Variants in ACSS3 observed in about 807,000 individuals in gnomAD.
The protein encoded by ACSS3 is acyl-CoA synthetase short-chain family member 3, mitochondrial.
A neutral mutation model predicts 84.2 loss-of-function variants in ACSS3; 64 were observed. The ratio of observed to expected loss-of-function variants is 0.76; its 90% CI spans 0.62 to 0.94. The LOEUF (loss-of-function observed/expected upper bound fraction) is 0.94, where lower values mean the gene tolerates loss of function less well. Among genes scored for constraint, ACSS3 ranks in the 40% least tolerant of loss-of-function variants. The pLI, the probability that ACSS3 is intolerant of heterozygous loss-of-function variation, is 0.00. For synonymous variants in ACSS3, 317 were observed against 310.1 expected (o/e 1.02, Z -0.23); for missense variants, 815 against 867.6 (o/e 0.94, Z 0.76).
At chr12:81,173,522 AAAT>A (rs2030234834) in intron 7 of ACSS3, among the ~76,000 whole-genome samples, 1 of 151,796 alleles carries the variant, frequency 6.6e-6, no homozygotes, top group African/African-American at 2.4e-5. Context: ...AATAATAAAA[AAAT>A]AGTGTCCTAT....
intron 7 of ACSS3, among the ~76,000 whole-genome samples, chr12:81,170,144 C>A (rs1195557369): frequency 2.6e-5 from 4 of 151,878 alleles, no homozygotes; most frequent in Non-Finnish European, 4.4e-5. Flanking sequence ...TTTTTTTGCC[C>A]AAAGATTTAA....
Position 81,256,437 on chromosome 12 carries a change from G to A in ACSS3, c.*1515G>A, listed in dbSNP as rs1404245076. 4 of 151,978 alleles carry A rather than the reference G, an allele frequency of 2.6e-5. No homozygotes were observed. The highest frequency in any genetic ancestry group is 9.7e-5 in the African/African-American group (4 of 41,388). The allele number at this position is 151,978 out of a possible 1,614,324, so 9.4% of individuals were successfully genotyped here. A position where few individuals can be genotyped will look rare whatever the true frequency, so the allele number is the denominator to read the frequency against. Reference sequence around the variant, plus strand: ...CAGTTAACTAAGGTAGACAGATGTAGGAAATTAAATATTTGATTTACTTAG... The same window carrying A: ...CAGTTAACTAAGGTAGACAGATGTAAGAAATTAAATATTTGATTTACTTAG... On this transcript the variant is annotated 3_prime_UTR_variant, in exon 16 of 16. Transcript: ENST00000548058.
rs989670047 is a variant in ACSS3 at position 81,117,574 on chromosome 12, A to C, written c.456+7870A>C. On this transcript the variant is annotated intron_variant, in intron 2 of 15. Transcript: ENST00000548058. ...GAAAAGCCATGAGGACTCAGAGCTC[A>C]TGAGAAGAGAATGGTAGAAAGTGAG... is the stretch of plus-strand genomic sequence containing the variant. 6.6e-5 allele frequency among the ~76,000 whole-genome samples: 10 copies of C among 152,198 alleles called. No individual in the cohort carries two copies. In the South Asian group the frequency reaches 8.3e-4, roughly 13 times the overall value.
intron 9 of ACSS3, among the ~76,000 whole-genome samples, chr12:81,204,077 G>T (rs1274187984): frequency 6.6e-6 from 1 of 151,878 alleles, no homozygotes; most frequent in Non-Finnish European, 1.5e-5. Flanking sequence ...CAGACAGGAA[G>T]CACAATTTTA....
intron 8 of ACSS3, among the ~76,000 whole-genome samples, chr12:81,187,837 G>T (rs988215096): frequency 2.0e-5 from 3 of 151,862 alleles, no homozygotes; most frequent in African/African-American, 7.2e-5. Context: ...GAGGCTGATA[G>T]CAGAGAAATG....
At chr12:81,185,090 G>A (rs189771076) in intron 8 of ACSS3, among the ~76,000 whole-genome samples, 1 of 151,824 alleles carries the variant, frequency 6.6e-6, no homozygotes. Flanking sequence ...AAATCTATCA[G>A]TGTGATACAT....
intron 2 of ACSS3, among the ~76,000 whole-genome samples, chr12:81,118,708 G>A (rs1332724339): frequency 1.3e-5 from 2 of 152,114 alleles, no homozygotes; most frequent in African/African-American, 2.4e-5. Context: ...AGTCTCATAG[G>A]TGGCATGCTA....
chr12:81,142,993 A>G, intron 4 of ACSS3, 114 bp from the exon 5 acceptor site: 1 of 979,236 alleles, frequency 1.0e-6, no homozygotes, highest in Non-Finnish European at 1.4e-6. Flanking sequence ...GTTCAGTGCC[A>G]TATAGGCCTA....
At chr12:81,118,080 G>C (rs1593075084) in intron 2 of ACSS3, 1 of 152,080 alleles carries the variant, frequency 6.6e-6, no homozygotes, top group Non-Finnish European at 1.5e-5. Flanking sequence ...TCTGTTGTAA[G>C]TATTTTAGTT....
At chr12:81,150,517 C>G (rs932642708) in intron 5 of ACSS3, among the ~76,000 whole-genome samples, 1 of 152,126 alleles carries the variant, frequency 6.6e-6, no homozygotes, top group Non-Finnish European at 1.5e-5. Context: ...GGAAGGTGCA[C>G]GTGTAAAGCC....
At position 81,151,831 on chromosome 12, in the gene ACSS3, T is replaced by G; in HGVS notation, c.922-13T>G. On this transcript the variant is annotated splice_polypyrimidine_tract_variant and intron_variant, in intron 5 of 15. Coordinates refer to ENST00000548058, the MANE Select transcript of ACSS3 (RefSeq NM_024560.4). ...TTGTTTATTGATTTTAATTTCACTT[T>G]TTCTCTCCTTAGGGTGTGATTAGGC... 6.2e-7 allele frequency: 1 copy of G among 1,607,178 alleles called. No individual in the cohort carries two copies.
At chr12:81,219,479 T>A (rs1386018801) in intron 10 of ACSS3, among the ~76,000 whole-genome samples, 2 of 152,132 alleles carry the variant, frequency 1.3e-5, no homozygotes, top group South Asian at 2.1e-4. Context: ...AGCTTTAATC[T>A]CCTAAACTCT....
At chr12:81,194,935 G>A (rs1221506744) in intron 8 of ACSS3, among the ~76,000 whole-genome samples, 1 of 151,828 alleles carries the variant, frequency 6.6e-6, no homozygotes, top group African/African-American at 2.4e-5. Flanking sequence ...CTAAAAATCT[G>A]TATTTTAGTT....
In ACSS3 at chr12:81,078,261, G is replaced by C. The variant is rs1009140169; in HGVS notation, c.141G>C (p.Gly47=). ...LVVPGPRGGL[G]GRGCRALSSG... is the part of the protein sequence containing the mutation. Reference sequence around the variant, plus strand: ...TCCCGGGCCCGCGGGGCGGTCTCGGGGGCCGGGGATGCAGGGCACTGTCCT... The same window carrying C: ...TCCCGGGCCCGCGGGGCGGTCTCGGCGGCCGGGGATGCAGGGCACTGTCCT... Residue 47 remains glycine, a synonymous_variant, in exon 1 of 16, where the codon GGG becomes GGC. Coordinates refer to ENST00000548058, the MANE Select transcript of ACSS3 (RefSeq NM_024560.4). The C allele has an allele frequency of 4.3e-6, 7 of 1,609,634 alleles. No homozygotes were observed. The highest frequency in any genetic ancestry group is 5.9e-6 in the Non-Finnish European group (7 of 1,179,554).
chr12:81,106,620 A>C (rs574036445), intron 1 of ACSS3, among the ~76,000 whole-genome samples: 58 of 152,268 alleles, frequency 3.8e-4, no homozygotes, highest in African/African-American at 1.4e-3. Flanking sequence ...AGAGGTATAT[A>C]GTTTTTATCT....
rs138277350 is a variant in ACSS3, at chr12:81,141,920, G to A, written c.781-1187G>A. Among the ~76,000 whole-genome samples, 355 of 152,242 alleles carry A rather than the reference G, an allele frequency of 2.3e-3. 1 individual carries two copies. Among genetic ancestry groups the A allele is most frequent in the South Asian group, 7.1e-3 (34 of 4,820 alleles). On this transcript the variant is annotated intron_variant, in intron 4 of 15. Coordinates refer to ENST00000548058, the MANE Select transcript of ACSS3 (RefSeq NM_024560.4). ...AACTTCAACTTGATACAGGGTCTTC[G>A]ATTCAGCTATAAATGTGTTAGCTAT... is the stretch of plus-strand genomic sequence containing the variant.
chr12:81,249,000 A>T (rs1226848793), intron 13 of ACSS3, among the ~76,000 whole-genome samples: 2 of 152,032 alleles, frequency 1.3e-5, no homozygotes, highest in African/African-American at 4.8e-5. Context: ...GAGCTCTAGA[A>T]TAGCTTTTTA....
intron 5 of ACSS3, among the ~76,000 whole-genome samples, chr12:81,146,785 A>G (rs987794976): frequency 6.6e-6 from 1 of 152,190 alleles, no homozygotes; most frequent in Admixed American, 6.5e-5. Context: ...TCTGGATCAG[A>G]TGTCCTTTTA....
At chr12:81,090,354 C>T (rs1028000337) in intron 1 of ACSS3, among the ~76,000 whole-genome samples, 1 of 152,018 alleles carries the variant, frequency 6.6e-6, no homozygotes, top group African/African-American at 2.4e-5. Context: ...TATGTGAGCT[C>T]ATGCTCTATT....
Sources: gnomAD v4.1 joint callset for allele counts (sites outside exome capture counted in the v4.1 genomes callset) on GRCh38, gnomAD v4.1.1 for gene constraint, MANE v1.5 for transcripts, NCBI Gene and HGNC (gene_info 2026-07-23, HGNC 2026-07-21) for gene names.